Variants in NUMA1 observed in about 807,000 individuals in gnomAD.
NUMA1 encodes the protein nuclear mitotic apparatus protein 1.
Under a neutral mutation model 237.1 loss-of-function variants are expected in NUMA1, and 62 were observed. The ratio of observed to expected loss-of-function variants is 0.26; its 90% CI spans 0.21 to 0.32. NUMA1 has a LOEUF of 0.32. NUMA1 is among the 10% of genes least tolerant of loss of function. The probability of loss-of-function intolerance (pLI) is 1.00; values close to 1 mark genes in which losing one functional copy is unlikely to be tolerated. For synonymous variants in NUMA1, 1,028 were observed against 1,066.1 expected, an observed-to-expected ratio of 0.96 and a Z score of 0.70; for missense variants, 2,533 against 2,666.5, an observed-to-expected ratio of 0.95 and a Z score of 1.10.
In NUMA1 at chr11:72,006,214, G is replaced by T. The variant is rs144484956; in HGVS notation, c.5513C>A (p.Thr1838Lys). The T allele has an allele frequency of 6.0e-4, 961 of 1,614,160 alleles. 14 individuals are homozygous for T. In the South Asian group the frequency reaches 8.4e-3, roughly 14 times the overall value. The change falls in exon 22 of 27, where the codon ACG becomes AAG. Residue 1838 changes from threonine (T) to lysine (K), a missense_variant. Transcript: ENST00000393695. The part of the protein sequence containing the change: ...PDSANSSFYS[T>K]RSAPASQASL... ...AGCCTGGGAAGCAGGAGCAGACCGC[G>T]TGCTGTAGAACGATGAGTTGGCGCT...
chr11:72,021,357 G>A, intron 7 of NUMA1, 66 bp from the exon 8 acceptor site: 1 of 1,404,930 alleles, frequency 7.1e-7, no homozygotes. Context: ...GCTGCCAGGA[G>A]CTCCACCCTG....
intron 21 of NUMA1, 64 bp downstream of exon 21, chr11:72,007,125 G>A: frequency 3.2e-6 from 5 of 1,582,322 alleles, no homozygotes; most frequent in Non-Finnish European, 4.3e-6. Flanking sequence ...AGTGCCCAGT[G>A]CAAAGATGCC....
At position 72,013,489 on chromosome 11, in the gene NUMA1, C is replaced by A. The variant is rs1422297261; in HGVS notation, c.4014G>T (p.Gln1338His). 1 of 1,613,488 alleles carries A rather than the reference C, an allele frequency of 6.2e-7. No homozygotes were observed. The highest frequency in any genetic ancestry group is 8.5e-7 in the Non-Finnish European group (1 of 1,180,040). Residue 1338 changes from glutamine to histidine, a missense_variant, in exon 15 of 27, where the codon CAG becomes CAT. This residue lies in a region of NUMA1 where 324 missense variants were observed against 407.6 expected (regional missense o/e 0.79). Coordinates refer to ENST00000393695, the MANE Select transcript of NUMA1 (RefSeq NM_006185.4). The surrounding 1 kb of genome is among the most constrained non-coding windows in gnomAD (Gnocchi z 6.8). ...GCAGGGTGGAGAGGGCCTGCTCTTT[C>A]TGGAAGAACTTCTCCTGCCACGCCT... ...ELKAWQEKFF[Q>H]KEQALSTLQL...
chr11:72,050,701 T>C (rs1049416084), intron 2 of NUMA1: 1 of 152,164 alleles, frequency 6.6e-6, no homozygotes, highest in South Asian at 2.1e-4. Flanking sequence ...GAGCCAGAAC[T>C]CAAAGAGATG....
intron 15 of NUMA1, 136 bp from the exon 16 acceptor site, chr11:72,012,578 CAGTT>C: frequency 1.1e-6 from 1 of 873,796 alleles, no homozygotes; most frequent in Non-Finnish European, 1.8e-6. Flanking sequence ...TTAAAAATGC[CAGTT>C]AGGCTGATTC....
intron 2 of NUMA1, among the ~76,000 whole-genome samples, chr11:72,064,234 G>A (rs1168019324): frequency 6.6e-6 from 1 of 151,968 alleles, no homozygotes; most frequent in African/African-American, 2.4e-5. Context: ...GAGGTGGGAT[G>A]ATTGCTTAAG....
chr11:72,013,486 T>C lies in NUMA1; in HGVS notation c.4017A>G (p.Lys1339=), dbSNP rs1258485074. 4.3e-6 allele frequency: 7 copies of C among 1,613,464 alleles called. No individual in the cohort carries two copies. The highest frequency in any genetic ancestry group is 1.1e-5 in the South Asian group (1 of 91,080). ...GCTGCAGGGTGGAGAGGGCCTGCTC[T>C]TTCTGGAAGAACTTCTCCTGCCACG... ...LKAWQEKFFQ[K]EQALSTLQLE... Residue 1339 remains lysine, a synonymous_variant, in exon 15 of 27, where the codon AAA becomes AAG. Coordinates refer to ENST00000393695, the MANE Select transcript of NUMA1 (RefSeq NM_006185.4). This position sits in a 1 kb window ranked among gnomAD's most constrained non-coding sequence, Gnocchi z 6.8.
intron 1 of NUMA1, among the ~76,000 whole-genome samples, chr11:72,079,096 C>T (rs1469199674): frequency 2.6e-5 from 4 of 152,192 alleles, no homozygotes; most frequent in South Asian, 2.1e-4. Flanking sequence ...AACGGGAAAG[C>T]GAAATTCCTG....
At chr11:72,034,406 C>T (rs1416336978) in intron 3 of NUMA1, among the ~76,000 whole-genome samples, 3 of 151,288 alleles carry the variant, frequency 2.0e-5, no homozygotes, top group African/African-American at 7.3e-5. Flanking sequence ...TAAAATCATC[C>T]CCATTAAAAA....
At chr11:72,040,445 T>TACATAC (rs1941528300) in intron 2 of NUMA1, among the ~76,000 whole-genome samples, 5 of 136,556 alleles carry the variant, frequency 3.7e-5, no homozygotes, top group African/African-American at 1.4e-4. Flanking sequence ...CGCGTACACA[T>TACATAC]ACACACACAC....
At chr11:72,039,386 C>G (rs1057325343) in intron 2 of NUMA1, among the ~76,000 whole-genome samples, 2 of 152,230 alleles carry the variant, frequency 1.3e-5, no homozygotes, top group Admixed American at 6.5e-5. Flanking sequence ...TGGGTGCCAG[C>G]TCCTTTGAGA....
chr11:72,019,573 A>G lies in NUMA1; in HGVS notation c.505T>C (p.Ser169Pro), dbSNP rs777359936. ...CTCTTGGCCTGGTGGCTAGGTGGGG[A>G]GAGCTCTTCAGGGAATGTGCTAGAA... is the stretch of plus-strand genomic sequence containing the variant. ...TCSSTFPEEL[S>P]PPSHQAKREI... Residue 169 changes from serine (S) to proline (P), a missense_variant, in exon 9 of 27, where the codon TCC (serine) becomes CCC (proline). Ser to Pro is a moderately conservative substitution (Grantham distance 74). Coordinates refer to ENST00000393695, the MANE Select transcript of NUMA1 (RefSeq NM_006185.4). 1.2e-6 allele frequency: 2 copies of G among 1,614,018 alleles called. No homozygotes were observed. Among genetic ancestry groups the G allele is most frequent in the South Asian group, 2.2e-5 (2 of 91,080 alleles).
chr11:72,022,952 A>G, intron 6 of NUMA1, 113 bp downstream of exon 6: 1 of 742,120 alleles, frequency 1.3e-6, no homozygotes, highest in Non-Finnish European at 2.3e-6. Context: ...CTAGAGCCCC[A>G]GAAATAAAGC....
intron 1 of NUMA1, among the ~76,000 whole-genome samples, chr11:72,077,379 G>A (rs542559730): frequency 7.2e-5 from 11 of 152,106 alleles, no homozygotes; most frequent in African/African-American, 2.7e-4. Context: ...AAGAAAGACA[G>A]GTTACCCACA....
rs765574311 is a variant in NUMA1, at chr11:72,004,824, G to C, written c.5830-8C>G. 6 of 1,556,950 alleles carry C rather than the reference G, an allele frequency of 3.9e-6. No homozygotes were observed. Among genetic ancestry groups the C allele is most frequent in the Non-Finnish European group, 5.2e-6 (6 of 1,153,208 alleles). On this transcript the variant is annotated splice_polypyrimidine_tract_variant and splice_region_variant and intron_variant, in intron 23 of 26. Coordinates refer to ENST00000393695, the MANE Select transcript of NUMA1 (RefSeq NM_006185.4). ...GCCCAGGCTCAGGGAAGGCTGCATG[G>C]GTGGAAGAGGTGGTCAGTGGACCAT...
At chr11:72,016,797 C>G (rs768246143) in intron 13 of NUMA1, 1 of 423,580 alleles carries the variant, frequency 2.4e-6, no homozygotes, top group African/African-American at 2.1e-5. Flanking sequence ...ATTTCCTTAC[C>G]GTATACCCTT....
intron 2 of NUMA1, among the ~76,000 whole-genome samples, chr11:72,044,723 A>C (rs1941897405): frequency 6.7e-6 from 1 of 149,088 alleles, no homozygotes; most frequent in Non-Finnish European, 1.5e-5. Flanking sequence ...GCTGGAGTAC[A>C]ATGGCATGAT....
intron 13 of NUMA1, chr11:72,017,125 G>A (rs893268800): frequency 6.0e-5 from 10 of 167,150 alleles, no homozygotes; most frequent in African/African-American, 2.2e-4. Flanking sequence ...TGGGACTACA[G>A]GCATGCATCA....
Position 72,015,567 on chromosome 11 carries a change from C to T in NUMA1, c.1936G>A (p.Ala646Thr), listed in dbSNP as rs755768703. 10 of 1,613,608 alleles carry T rather than the reference C, an allele frequency of 6.2e-6. No homozygotes were observed. The highest frequency in any genetic ancestry group is 7.6e-6 in the Non-Finnish European group (9 of 1,180,036). The change falls in exon 15 of 27, where the codon GCA (alanine) becomes ACA (threonine). Residue 646 changes from alanine to threonine, a missense_variant. Ala to Thr is a moderately conservative substitution (Grantham distance 58). Transcript: ENST00000393695. This position sits in a 1 kb window ranked among gnomAD's most constrained non-coding sequence, Gnocchi z 4.0. ...TSVTQAQREKAELSRKVEELQ... is the reference protein window; with the variant it reads ...TSVTQAQREKTELSRKVEELQ... ...TCCTCCACCTTCCGGCTCAGCTCTGCCTTCTCCCGCTGGGCCTGTGTCACT... is the reference window on the plus strand; with the variant it reads ...TCCTCCACCTTCCGGCTCAGCTCTGTCTTCTCCCGCTGGGCCTGTGTCACT...
Sources: gnomAD v4.1 joint callset for allele counts (sites outside exome capture counted in the v4.1 genomes callset) on GRCh38, gnomAD v4.1.1 for gene constraint, gnomAD v4.1.1 regional missense constraint, Gnocchi (gnomAD v3.1) non-coding constraint, MANE v1.5 for transcripts, NCBI Gene and HGNC (gene_info 2026-07-23, HGNC 2026-07-21) for gene names.